TENM4: variants seen among roughly 807,000 people sequenced by gnomAD.
TENM4 encodes the protein teneurin transmembrane protein 4, also known as teneurin-4.
A neutral mutation model predicts 243.3 loss-of-function variants in TENM4; 82 were observed. The observed-to-expected ratio is 0.34, with a 90% CI of 0.28 to 0.40. TENM4 has a LOEUF of 0.40. Ranked by LOEUF, TENM4 falls within the 10% of genes least tolerant of loss-of-function variation. The pLI is 1.00. For missense variants in TENM4, 3,138 were observed against 3,673.3 expected (o/e 0.85, Z 3.77); for synonymous variants, 1,412 against 1,456.3 (o/e 0.97, Z 0.69).
At chr11:78,839,270 C>T (rs975784363) in intron 12 of TENM4, among the ~76,000 whole-genome samples, 4 of 152,068 alleles carry the variant, frequency 2.6e-5, no homozygotes, top group African/African-American at 9.7e-5. Flanking sequence ...AGTATTTCAC[C>T]TTCCCATCTA....
intron 4 of TENM4, among the ~76,000 whole-genome samples, chr11:79,115,240 A>T (rs565902637): frequency 6.6e-6 from 1 of 152,282 alleles, no homozygotes; most frequent in Admixed American, 6.5e-5. Context: ...GGGGTTTGCC[A>T]TGCAGACACT....
intron 6 of TENM4, among the ~76,000 whole-genome samples, chr11:79,019,400 C>T (rs1426405258): frequency 2.0e-5 from 3 of 152,146 alleles, no homozygotes; most frequent in Non-Finnish European, 4.4e-5. Flanking sequence ...AAGAGCCCAT[C>T]CTCTCCAAAG....
chr11:79,199,013 C>G (rs12418484), intron 3 of TENM4, among the ~76,000 whole-genome samples: 1 of 152,028 alleles, frequency 6.6e-6, no homozygotes, highest in African/African-American at 2.4e-5. Context: ...TGATGTTAGA[C>G]GCTGCAAGTT....
intron 15 of TENM4, among the ~76,000 whole-genome samples, chr11:78,799,256 G>A (rs189908324): frequency 3.3e-5 from 5 of 152,314 alleles, no homozygotes; most frequent in African/African-American, 9.6e-5. Context: ...CAATGATCTA[G>A]ATAATGACTC....
intron 3 of TENM4, among the ~76,000 whole-genome samples, chr11:79,171,661 CA>C (rs945506086): frequency 7.2e-5 from 11 of 152,112 alleles, no homozygotes; most frequent in Admixed American, 2.0e-4. Flanking sequence ...GACAATCAGA[CA>C]GGGGGATTGG....
intron 1 of TENM4, among the ~76,000 whole-genome samples, chr11:79,321,610 T>TTC (rs558227031): frequency 7.3e-4 from 95 of 130,214 alleles, no homozygotes; most frequent in Middle Eastern, 4.6e-3. Flanking sequence ...TGGGTGCCTG[T>TTC]GATGACTTTC....
At chr11:79,362,710 T>G (rs1289233589) in intron 1 of TENM4, among the ~76,000 whole-genome samples, 8 of 152,208 alleles carry the variant, frequency 5.3e-5, no homozygotes, top group Non-Finnish European at 1.0e-4. Context: ...ATTCTACTAT[T>G]TTTGTAGCTC....
At chr11:79,342,797 G>A (rs117306930) in intron 1 of TENM4, among the ~76,000 whole-genome samples, 129 of 152,300 alleles carry the variant, frequency 8.5e-4, no homozygotes, top group African/African-American at 2.5e-3. Flanking sequence ...CCAGCCTGGC[G>A]TCATCTGGAT....
chr11:78,761,108 G>T (rs1856421043), intron 18 of TENM4, among the ~76,000 whole-genome samples: 1 of 152,016 alleles, frequency 6.6e-6, no homozygotes, highest in African/African-American at 2.4e-5. Context: ...TCTGCATGTT[G>T]TAGTTGTTGA....
intron 6 of TENM4, among the ~76,000 whole-genome samples, chr11:78,959,888 C>A (rs186001776): frequency 2.0e-5 from 3 of 152,238 alleles, no homozygotes; most frequent in Admixed American, 2.0e-4. Flanking sequence ...TTCTCTTCTA[C>A]GTGTAAGGCT....
intron 6 of TENM4, among the ~76,000 whole-genome samples, chr11:78,946,369 T>C (rs188112050): frequency 6.3e-4 from 96 of 152,340 alleles, no homozygotes; most frequent in African/African-American, 2.0e-3. Flanking sequence ...TACTGAATGT[T>C]TTAAGCCCAT....
At chr11:79,089,898 A>G (rs1268444747) in intron 4 of TENM4, among the ~76,000 whole-genome samples, 1 of 152,220 alleles carries the variant, frequency 6.6e-6, no homozygotes, top group Non-Finnish European at 1.5e-5. Context: ...GATTTGCTCT[A>G]CATCACAGCA....
intron 1 of TENM4, among the ~76,000 whole-genome samples, chr11:79,403,689 C>T (rs1858508687): frequency 6.6e-6 from 1 of 152,186 alleles, no homozygotes; most frequent in Admixed American, 6.5e-5. Flanking sequence ...CTTCCCTCAA[C>T]CACTATCCAC....
chr11:78,729,085 C>T (rs747807247), intron 22 of TENM4, among the ~76,000 whole-genome samples: 1 of 152,092 alleles, frequency 6.6e-6, no homozygotes, highest in East Asian at 1.9e-4. Context: ...CAATGTCCAC[C>T]TGGCCCTGCC....
intron 12 of TENM4, among the ~76,000 whole-genome samples, chr11:78,845,458 T>C (rs1858368389): frequency 6.6e-6 from 1 of 152,198 alleles, no homozygotes; most frequent in African/African-American, 2.4e-5. Flanking sequence ...CTCCAAAGCC[T>C]TTGTCCTTTC....
At chr11:78,670,573 GA>G (rs775188725) in intron 31 of TENM4, 22 bp from the exon 32 acceptor site, 1 of 1,579,860 alleles carries the variant, frequency 6.3e-7, no homozygotes, top group Non-Finnish European at 8.6e-7. Context: ...GGAAAACCAA[GA>G]GATGAGAGGA....
intron 29 of TENM4, among the ~76,000 whole-genome samples, chr11:78,687,153 G>T (rs758402929): frequency 2.6e-5 from 4 of 152,122 alleles, no homozygotes; most frequent in Non-Finnish European, 4.4e-5. Flanking sequence ...CACACAGGTG[G>T]GAACTGGCAT....
chr11:78,888,011 T>G (rs546564800), intron 9 of TENM4, among the ~76,000 whole-genome samples: 3 of 152,342 alleles, frequency 2.0e-5, no homozygotes, highest in African/African-American at 7.2e-5. Flanking sequence ...GGTGACATAC[T>G]ATTCGTGGTG....
At chr11:78,894,250 G>A (rs1183063582) in intron 7 of TENM4, among the ~76,000 whole-genome samples, 2 of 152,160 alleles carry the variant, frequency 1.3e-5, no homozygotes, top group African/African-American at 4.8e-5. Context: ...CCCGGGACCT[G>A]AGGCTGGCTG....
Sources: gnomAD v4.1 joint callset for allele counts (sites outside exome capture counted in the v4.1 genomes callset) on GRCh38, gnomAD v4.1.1 for gene constraint, MANE v1.5 for transcripts, NCBI Gene and HGNC (gene_info 2026-07-23, HGNC 2026-07-21) for gene names.